Variants in APC observed in about 807,000 individuals in gnomAD.
APC encodes adenomatous polyposis coli protein.
In APC, 72 loss-of-function variants were observed where a neutral mutation model predicts 247.0. The ratio of observed to expected loss-of-function variants is 0.29; its 90% CI spans 0.24 to 0.35. The LOEUF is 0.35. Ranked by LOEUF, APC falls within the 10% of genes least tolerant of loss-of-function variation. The probability of loss-of-function intolerance (pLI) is 1.00; values close to 1 mark genes in which losing one functional copy is unlikely to be tolerated. For synonymous variants in APC, 1,254 were observed against 1,162.5 expected, an observed-to-expected ratio of 1.08 and a Z score of -1.60; for missense variants, 3,400 against 3,360.7, an observed-to-expected ratio of 1.01 and a Z score of -0.29.
intron 1 of APC, among the ~76,000 whole-genome samples, chr5:112,753,024 A>G (rs530601890): frequency 1.3e-4 from 20 of 152,092 alleles, no homozygotes; most frequent in Non-Finnish European, 2.9e-4. Context: ...AAACTTGTGC[A>G]TGCCCATTTT....
At chr5:112,778,724 T>C (rs567551659) in intron 5 of APC, among the ~76,000 whole-genome samples, 124 of 152,240 alleles carry the variant, frequency 8.1e-4, no homozygotes, top group African/African-American at 2.8e-3. Context: ...TTTGTACTTT[T>C]AGTAGAGACA....
Position 112,822,107 on chromosome 5 carries a change from G to A in APC, c.1408+116G>A, listed in dbSNP as rs147162959. The A allele has an allele frequency of 1.3e-4, 92 of 735,252 alleles. No homozygotes were observed. In the African/African-American group the frequency reaches 1.4e-3, roughly 11 times the overall value. The allele number at this position is 735,252 out of a possible 1,614,324, so 45.5% of individuals were successfully genotyped here. On this transcript the variant is annotated intron_variant, in intron 11 of 15. Coordinates refer to ENST00000257430, the MANE Select transcript of APC (RefSeq NM_000038.6). ...AATCATTGATGAATTAGGATATAAG[G>A]CCACCAACTTCTGTTATCAGCTGCT...
chr5:112,843,804 A>C lies in APC; in HGVS notation c.8210A>C (p.Glu2737Ala). 1 of 1,614,132 alleles carries C rather than the reference A, an allele frequency of 6.2e-7. No homozygotes were observed. Among genetic ancestry groups the C allele is most frequent in the Admixed American group, 1.7e-5 (1 of 60,022 alleles). ...QVDAPDQKGTEIKPGQNNPVP... is the reference protein window; with the variant it reads ...QVDAPDQKGTAIKPGQNNPVP... Reference sequence around the variant, plus strand: ...GATGCCCCTGACCAAAAAGGAACTGAGATAAAACCAGGACAAAATAATCCT... The same window carrying C: ...GATGCCCCTGACCAAAAAGGAACTGCGATAAAACCAGGACAAAATAATCCT... Residue 2737 changes from glutamate to alanine, a missense_variant, in exon 16 of 16, where the codon GAG (glutamate) becomes GCG (alanine). Coordinates refer to ENST00000257430, the MANE Select transcript of APC (RefSeq NM_000038.6). The surrounding 1 kb of genome is among the most constrained non-coding windows in gnomAD (Gnocchi z 4.8).
intron 3 of APC, 62 bp downstream of exon 3, chr5:112,766,472 G>A: frequency 9.2e-7 from 1 of 1,092,868 alleles, no homozygotes; most frequent in Non-Finnish European, 1.4e-6. Flanking sequence ...CTTTAGGTGT[G>A]TAGATCCAAG....
chr5:112,756,110 A>T (rs551297364), intron 2 of APC, among the ~76,000 whole-genome samples: 2 of 151,868 alleles, frequency 1.3e-5, no homozygotes, highest in Admixed American at 6.6e-5. Context: ...TTTTTTTCCT[A>T]TGCATTTCAA....
At chr5:112,753,781 T>C (rs1754648466) in intron 1 of APC, among the ~76,000 whole-genome samples, 2 of 152,208 alleles carry the variant, frequency 1.3e-5, no homozygotes, top group African/African-American at 4.8e-5. Flanking sequence ...GTCTGCCTTA[T>C]TTTGTGTAAT....
At chr5:112,819,410 A>T (rs1762884249) in intron 10 of APC, 66 bp downstream of exon 10, 4 of 1,595,130 alleles carry the variant, frequency 2.5e-6, no homozygotes, top group Non-Finnish European at 3.4e-6. Flanking sequence ...TTAAACAGAA[A>T]ACATGTTTAG....
At chr5:112,788,827 G>C (rs1208083594) in intron 6 of APC, among the ~76,000 whole-genome samples, 2 of 151,924 alleles carry the variant, frequency 1.3e-5, no homozygotes, top group Admixed American at 6.6e-5. Flanking sequence ...TTATATCATC[G>C]CCGGTTTAAG....
At chr5:112,722,220 A>C (rs547772818) in intron 1 of APC, among the ~76,000 whole-genome samples, 49 of 152,310 alleles carry the variant, frequency 3.2e-4, no homozygotes, top group African/African-American at 9.6e-4. Flanking sequence ...GTACTAAAGT[A>C]ATACACTGTT....
At chr5:112,787,609 C>T (rs2149668545) in intron 6 of APC, among the ~76,000 whole-genome samples, 1 of 152,226 alleles carries the variant, frequency 6.6e-6, no homozygotes, top group South Asian at 2.1e-4. Context: ...AAGTTACTTC[C>T]TCATATCCCT....
intron 1 of APC, among the ~76,000 whole-genome samples, chr5:112,743,222 C>T (rs1753246997): frequency 6.6e-6 from 1 of 152,346 alleles, no homozygotes; most frequent in African/African-American, 2.4e-5. Flanking sequence ...TCTGACCCTT[C>T]TGCCTCCTTC....
At chr5:112,828,297 C>G (rs922222423) in intron 13 of APC, among the ~76,000 whole-genome samples, 1 of 152,058 alleles carries the variant, frequency 6.6e-6, no homozygotes, top group African/African-American at 2.4e-5. Flanking sequence ...CAGGCGTGTG[C>G]CACCACACCC....
chr5:112,754,700 A>C (rs1006898257), intron 1 of APC, among the ~76,000 whole-genome samples, 173 bp from the exon 2 acceptor site: 4 of 152,172 alleles, frequency 2.6e-5, no homozygotes, highest in African/African-American at 9.7e-5. Context: ...CCACTGTTTC[A>C]TCCTCTTAGA....
Position 112,832,574 on chromosome 5 carries a change from T to C in APC, c.1744-2377T>C, listed in dbSNP as rs1436534097. ...GGCCTGGCTTTTGTCTCTCTGGACT[T>C]ATTTTCCACTGTTCCCCATCATGGA... is the stretch of plus-strand genomic sequence containing the variant. On this transcript the variant is annotated intron_variant, in intron 14 of 15. Transcript: ENST00000257430. Among the ~76,000 whole-genome samples the C allele has an allele frequency of 2.0e-5, 3 of 152,244 alleles. No homozygotes were observed. In the East Asian group the frequency reaches 5.8e-4, roughly 29 times the overall value.
At chr5:112,818,334 G>GT (rs1318231214) in intron 9 of APC, among the ~76,000 whole-genome samples, 1 of 152,162 alleles carries the variant, frequency 6.6e-6, no homozygotes, top group Non-Finnish European at 1.5e-5. Context: ...AGAGTAATTA[G>GT]TACTTACCAG....
upstream of APC, among the ~76,000 whole-genome samples, chr5:112,735,447 G>C (rs1752331716): frequency 6.6e-6 from 1 of 150,826 alleles, no homozygotes; most frequent in Non-Finnish European, 1.5e-5. Flanking sequence ...CAAATTCCTG[G>C]GATTATAGGC....
At chr5:112,771,055 G>A (rs1315005859) in intron 4 of APC, among the ~76,000 whole-genome samples, 1 of 152,036 alleles carries the variant, frequency 6.6e-6, no homozygotes, top group Non-Finnish European at 1.5e-5. Flanking sequence ...TAATGTTGAT[G>A]TGAAATAAGT....
At chr5:112,758,735 C>G (rs1473819186) in intron 2 of APC, among the ~76,000 whole-genome samples, 3 of 151,914 alleles carry the variant, frequency 2.0e-5, no homozygotes, top group Non-Finnish European at 4.4e-5. Context: ...CCCAGAGTAG[C>G]TGGGATTACA....
intron 1 of APC, among the ~76,000 whole-genome samples, chr5:112,724,248 T>C (rs1751644152): frequency 6.6e-6 from 1 of 151,852 alleles, no homozygotes; most frequent in Non-Finnish European, 1.5e-5. Flanking sequence ...GCTTGTATAG[T>C]TATGAAGAAG....
Sources: allele counts gnomAD v4.1 joint callset (sites outside exome capture counted in the v4.1 genomes callset), GRCh38; gene constraint gnomAD v4.1.1; non-coding constraint Gnocchi (gnomAD v3.1); transcripts MANE v1.5; gene names NCBI Gene and HGNC (gene_info 2026-07-23, HGNC 2026-07-21).